PEPD: variants seen among roughly 807,000 people sequenced by gnomAD.
PEPD encodes the protein xaa-Pro dipeptidase.
Under a neutral mutation model 60.7 loss-of-function variants are expected in PEPD, and 53 were observed. That is an observed-to-expected ratio of 0.87 (90% CI 0.70 to 1.10). The LOEUF is 1.10. Among genes scored for constraint, PEPD ranks in the 50% least tolerant of loss-of-function variants. PEPD has a pLI of 0.00. For missense variants in PEPD, 711 were observed against 711.9 expected (o/e 1.00, Z 0.01); for synonymous variants, 267 against 284.1 (o/e 0.94, Z 0.60).
intron 12 of PEPD, among the ~76,000 whole-genome samples, chr19:33,394,598 C>T (rs1443108012): frequency 3.3e-5 from 5 of 152,356 alleles, no homozygotes; most frequent in Middle Eastern, 3.4e-3. Context: ...GGCGGGGGCC[C>T]CTGGAGTGTG....
chr19:33,413,741 T>C (rs1968831566), intron 9 of PEPD, 98 bp from the exon 10 acceptor site: 1 of 749,236 alleles, frequency 1.3e-6, no homozygotes, highest in Non-Finnish European at 2.3e-6. Flanking sequence ...CGGCCCATGG[T>C]CTCCCCTGCC....
chr19:33,438,856 A>G (rs775016010), intron 9 of PEPD, among the ~76,000 whole-genome samples: 1 of 152,208 alleles, frequency 6.6e-6, no homozygotes, highest in Non-Finnish European at 1.5e-5. Context: ...AGTAGCTGGG[A>G]TTACAGGCAC....
intron 12 of PEPD, among the ~76,000 whole-genome samples, chr19:33,399,086 C>T (rs1008616188): frequency 6.6e-6 from 1 of 152,114 alleles, no homozygotes; most frequent in Non-Finnish European, 1.5e-5. Context: ...TAGGTTCAAG[C>T]GATTCGATTC....
At chr19:33,500,804 G>A (rs927446045) in intron 4 of PEPD, 134 bp downstream of exon 4, 48 of 754,914 alleles carry the variant, frequency 6.4e-5, no homozygotes, top group Admixed American at 1.9e-4. Flanking sequence ...GAGCACCTGC[G>A]GCGCAGGGAC....
At chr19:33,506,905 A>G (rs564089723) in intron 3 of PEPD, among the ~76,000 whole-genome samples, 1 of 149,296 alleles carries the variant, frequency 6.7e-6, no homozygotes, top group African/African-American at 2.5e-5. Context: ...CCTACACACC[A>G]CAAACACAGC....
intron 9 of PEPD, among the ~76,000 whole-genome samples, chr19:33,433,097 C>T (rs557233765): frequency 8.5e-5 from 13 of 152,368 alleles, no homozygotes; most frequent in African/African-American, 2.9e-4. Context: ...AGGAGCTACA[C>T]ACCCATTTGC....
Position 33,464,008 on chromosome 19 carries a change from G to T in PEPD, c.603C>A (p.Ile201=). ...ELEVLRYTNK[I]SSEAHREVMK... ...TTACCTCACGGTGGGCCTCGCTGGA[G>T]ATTTTATTGGTATAGCGCAGAACCT... The change falls in exon 8 of 15, where the codon ATC becomes ATA. Residue 201 remains isoleucine (I), a synonymous_variant. Coordinates refer to ENST00000244137, the MANE Select transcript of PEPD (RefSeq NM_000285.4). The T allele has an allele frequency of 6.2e-7, 1 of 1,612,434 alleles. No homozygotes were observed. The highest frequency in any genetic ancestry group is 8.5e-7 in the Non-Finnish European group (1 of 1,178,854).
At chr19:33,467,878 A>G (rs376231646) in intron 7 of PEPD, among the ~76,000 whole-genome samples, 35 of 152,222 alleles carry the variant, frequency 2.3e-4, no homozygotes, top group African/African-American at 7.7e-4. Context: ...TTCATTTCAC[A>G]TCACTAATAA....
intron 7 of PEPD, among the ~76,000 whole-genome samples, chr19:33,467,719 G>A (rs564304501): frequency 6.6e-6 from 1 of 152,322 alleles, no homozygotes; most frequent in Non-Finnish European, 1.5e-5. Context: ...GGAGAGAGAT[G>A]AGCTGGCAGG....
At chr19:33,427,010 G>A (rs1969166577) in intron 9 of PEPD, among the ~76,000 whole-genome samples, 1 of 152,230 alleles carries the variant, frequency 6.6e-6, no homozygotes, top group Non-Finnish European at 1.5e-5. Context: ...TGTTAGGCGT[G>A]AACTGCCGAC....
At chr19:33,410,030 G>A (rs540759554) in intron 11 of PEPD, among the ~76,000 whole-genome samples, 1 of 152,364 alleles carries the variant, frequency 6.6e-6, no homozygotes, top group South Asian at 2.1e-4. Context: ...GCTACGCAGG[G>A]GGGACTGGGG....
intron 9 of PEPD, among the ~76,000 whole-genome samples, chr19:33,415,155 CA>C (rs1013943664): frequency 2.0e-5 from 3 of 152,180 alleles, no homozygotes; most frequent in African/African-American, 4.8e-5. Flanking sequence ...CGCCGTGGAA[CA>C]GGGGTGCTCC....
At chr19:33,498,985 T>C (rs1970660340) in intron 4 of PEPD, among the ~76,000 whole-genome samples, 1 of 152,086 alleles carries the variant, frequency 6.6e-6, no homozygotes, top group South Asian at 2.1e-4. Context: ...AGGACAACAG[T>C]GTTAAGAAAC....
At chr19:33,418,497 T>C (rs1968938986) in intron 9 of PEPD, among the ~76,000 whole-genome samples, 1 of 152,216 alleles carries the variant, frequency 6.6e-6, no homozygotes, top group African/African-American at 2.4e-5. Context: ...TACTACATTC[T>C]TCTTGAATTC....
chr19:33,489,852 T>C, intron 6 of PEPD, 144 bp downstream of exon 6: 1 of 637,842 alleles, frequency 1.6e-6, no homozygotes, highest in Non-Finnish European at 2.9e-6. Flanking sequence ...CAAATTATGC[T>C]TCTAAACATT....
chr19:33,438,115 C>T (rs1304865385), intron 9 of PEPD, among the ~76,000 whole-genome samples: 1 of 152,240 alleles, frequency 6.6e-6, no homozygotes, highest in Non-Finnish European at 1.5e-5. Flanking sequence ...CCTGCCCAGA[C>T]ACAGGCTGCA....
chr19:33,467,060 G>A (rs1367253632), intron 7 of PEPD, among the ~76,000 whole-genome samples: 3 of 151,764 alleles, frequency 2.0e-5, no homozygotes, highest in African/African-American at 7.3e-5. Flanking sequence ...GGGAGGCTGA[G>A]GCAGGAGAAT....
At chr19:33,411,180 A>G (rs1013831898) in intron 11 of PEPD, among the ~76,000 whole-genome samples, 3 of 152,182 alleles carry the variant, frequency 2.0e-5, no homozygotes, top group African/African-American at 7.2e-5. Flanking sequence ...ACGGGTCAGC[A>G]CTGCTGACTT....
intron 9 of PEPD, among the ~76,000 whole-genome samples, chr19:33,455,887 TTA>T (rs763357371): frequency 6.6e-6 from 1 of 152,136 alleles, no homozygotes; most frequent in Non-Finnish European, 1.5e-5. Context: ...GCACAGTTCC[TTA>T]TGATTTCTAA....
Sources: gnomAD v4.1 joint callset for allele counts (sites outside exome capture counted in the v4.1 genomes callset) on GRCh38, gnomAD v4.1.1 for gene constraint, MANE v1.5 for transcripts, NCBI Gene and HGNC (gene_info 2026-07-23, HGNC 2026-07-21) for gene names.